The following CDK19 variants were observed in gnomAD, a reference collection of about 807,000 sequenced individuals.
CDK19 encodes cyclin dependent kinase 19.
CDK19 carries 20 observed loss-of-function variants against 68.3 expected under a neutral mutation model. The observed-to-expected ratio is 0.29, with a 90% CI of 0.21 to 0.43. The LOEUF (loss-of-function observed/expected upper bound fraction) is 0.43, where lower values mean the gene tolerates loss of function less well. Ranked by LOEUF, CDK19 falls within the 20% of genes least tolerant of loss-of-function variation. The probability of loss-of-function intolerance (pLI) is 1.00; values close to 1 mark genes in which losing one functional copy is unlikely to be tolerated. For synonymous variants in CDK19, 221 were observed against 222.8 expected (o/e 0.99, Z 0.07); for missense variants, 339 against 623.5 (o/e 0.54, Z 4.86).
At chr6:110,749,390 T>C (rs536033362) in intron 1 of CDK19, among the ~76,000 whole-genome samples, 4 of 143,388 alleles carry the variant, frequency 2.8e-5, no homozygotes, top group African/African-American at 8.2e-5. Context: ...CCTTTTTTTT[T>C]TGAGACAAAT....
intron 2 of CDK19, among the ~76,000 whole-genome samples, chr6:110,713,452 C>A (rs1775118750): frequency 7.5e-6 from 1 of 132,906 alleles, no homozygotes; most frequent in East Asian, 2.3e-4. Flanking sequence ...AAAAAAAAAT[C>A]CTGGGCTCAA....
intron 6 of CDK19, among the ~76,000 whole-genome samples, chr6:110,628,397 T>C (rs1779225480): frequency 6.6e-6 from 1 of 152,138 alleles, no homozygotes; most frequent in Admixed American, 6.6e-5. Context: ...AGTTCGAAAA[T>C]ATTAAATGGA....
At chr6:110,634,759 C>T (rs1779655378) in intron 5 of CDK19, among the ~76,000 whole-genome samples, 1 of 152,130 alleles carries the variant, frequency 6.6e-6, no homozygotes, top group Non-Finnish European at 1.5e-5. Context: ...TTAATAGATG[C>T]CAATTGTTGT....
chr6:110,669,135 T>C (rs1482320058), intron 3 of CDK19, among the ~76,000 whole-genome samples: 1 of 151,816 alleles, frequency 6.6e-6, no homozygotes, highest in Non-Finnish European at 1.5e-5. Flanking sequence ...TATAGAAAAA[T>C]GGAGAAAATA....
In CDK19 at chr6:110,737,013, C is replaced by A. The variant is rs150597312; in HGVS notation, c.204+9113G>T. Reference sequence around the variant, plus strand: ...ACTAAAATAACTCTACTGATGTACTCAGTAGGGAGGGATACTGACACAGCA... The same window carrying A: ...ACTAAAATAACTCTACTGATGTACTAAGTAGGGAGGGATACTGACACAGCA... On this transcript the variant is annotated intron_variant, in intron 2 of 12. Transcript: ENST00000368911. Among the ~76,000 whole-genome samples the A allele has an allele frequency of 2.1e-3, 317 of 152,248 alleles. 2 individuals carry two copies. The highest frequency in any genetic ancestry group is 7.1e-3 in the African/African-American group (294 of 41,544).
chr6:110,727,408 C>T (rs1008229429), intron 2 of CDK19, among the ~76,000 whole-genome samples: 2 of 152,136 alleles, frequency 1.3e-5, no homozygotes, highest in Non-Finnish European at 2.9e-5. Context: ...ACTTACTGTA[C>T]CTACTCTTTC....
At chr6:110,716,074 AATATT>A in intron 2 of CDK19, among the ~76,000 whole-genome samples, 1 of 152,286 alleles carries the variant, frequency 6.6e-6, no homozygotes, top group South Asian at 2.1e-4. Flanking sequence ...TCACATAACT[AATATT>A]ATAATTTCTC....
intron 2 of CDK19, among the ~76,000 whole-genome samples, chr6:110,691,466 T>C (rs1314903454): frequency 6.7e-6 from 1 of 149,674 alleles, no homozygotes; most frequent in Non-Finnish European, 1.5e-5. Flanking sequence ...AGTGCAAGAC[T>C]CCGTCTCAAA....
intron 1 of CDK19, among the ~76,000 whole-genome samples, chr6:110,793,988 G>A (rs191703214): frequency 2.6e-4 from 40 of 152,248 alleles, no homozygotes; most frequent in Admixed American, 7.2e-4. Flanking sequence ...GTTGCACAAA[G>A]CCAGAATGAC....
chr6:110,619,003 A>G (rs1778537520), intron 12 of CDK19, among the ~76,000 whole-genome samples: 1 of 152,174 alleles, frequency 6.6e-6, no homozygotes, highest in Non-Finnish European at 1.5e-5. Flanking sequence ...TTTTTCAGCG[A>G]ACTTTCAGAG....
rs146766744 is a variant in CDK19, at chr6:110,676,539, G to A, written c.205-5998C>T. 9.3e-3 allele frequency among the ~76,000 whole-genome samples: 1,423 copies of A among 152,236 alleles called. 13 individuals are homozygous for A. The highest frequency in any genetic ancestry group is 0.014 in the Non-Finnish European group (945 of 68,008). The stretch of plus-strand genomic sequence containing the variant: ...GAAGAGTTCATTGATGCAGCAAACT[G>A]TATTATTGTCTTACTTTAAGAAATT... On this transcript the variant is annotated intron_variant, in intron 2 of 12. Transcript: ENST00000368911.
At chr6:110,618,592 G>C (rs1778501239) in intron 12 of CDK19, among the ~76,000 whole-genome samples, 1 of 152,232 alleles carries the variant, frequency 6.6e-6, no homozygotes, top group East Asian at 1.9e-4. Flanking sequence ...GGTCCCACCA[G>C]CATCTGGGGA....
At chr6:110,632,265 G>T in intron 5 of CDK19, 104 bp from the exon 6 acceptor site, 1 of 846,628 alleles carries the variant, frequency 1.2e-6, no homozygotes, top group Non-Finnish European at 1.8e-6. Flanking sequence ...TTAGAACCAT[G>T]CAAGGTTGAC....
At chr6:110,694,634 T>C (rs1773319661) in intron 2 of CDK19, among the ~76,000 whole-genome samples, 1 of 152,210 alleles carries the variant, frequency 6.6e-6, no homozygotes, top group Admixed American at 6.5e-5. Context: ...ACTTTAACTA[T>C]ACCCTAGAAC....
At position 110,621,194 on chromosome 6, in the gene CDK19, G is replaced by A. The variant is rs1158529764; in HGVS notation, c.1287C>T (p.Ser429=). The A allele has an allele frequency of 6.2e-6, 10 of 1,613,928 alleles. No homozygotes were observed. The East Asian group carries it at 2.0e-4, about 32-fold the overall frequency. ...TGTTTGGAGGCACCTGGTTCAGGCT[G>A]GAGTCCTGGCTGTGCTGCAACCCTG... The part of the protein sequence containing the change: ...TGAGLQHSQD[S]SLNQVPPNKK... Residue 429 remains serine (S), a synonymous_variant, in exon 12 of 13, where the codon TCC becomes TCT. Transcript: ENST00000368911. This position sits in a 1 kb window ranked among gnomAD's most constrained non-coding sequence, Gnocchi z 5.4.
chr6:110,814,472 G>A, intron 1 of CDK19: 2 of 371,542 alleles, frequency 5.4e-6, no homozygotes, highest in South Asian at 4.0e-5. Context: ...GGCGGAGATC[G>A]CTGCTGGGGG....
In CDK19 at chr6:110,613,671, C is replaced by G. The variant is rs1339109486; in HGVS notation, c.*864G>C. On this transcript the variant is annotated 3_prime_UTR_variant, in exon 13 of 13. Coordinates refer to ENST00000368911, the MANE Select transcript of CDK19 (RefSeq NM_015076.5). ...ATCAAAATTACTCCTTACAGAAATC[C>G]TAGTGCAGTTGTTACTCTCTTCAGC... 6.6e-6 allele frequency: 1 copy of G among 152,554 alleles called. No individual in the cohort carries two copies. 9.5% of individuals were successfully genotyped at this position (152,554 alleles called of 1,614,324 possible).
chr6:110,626,931 A>T, intron 7 of CDK19, 71 bp downstream of exon 7: 1 of 1,444,476 alleles, frequency 6.9e-7, no homozygotes. Context: ...TATACATTAA[A>T]ATATGCTTTT....
chr6:110,643,180 G>GA (rs1481287381), intron 4 of CDK19: 1 of 1,287,310 alleles, frequency 7.8e-7, no homozygotes, highest in East Asian at 5.6e-5. Flanking sequence ...CCTTCTGGAG[G>GA]AAACACTTAC....
Sources: allele counts gnomAD v4.1 joint callset (sites outside exome capture counted in the v4.1 genomes callset), GRCh38; gene constraint gnomAD v4.1.1; non-coding constraint Gnocchi (gnomAD v3.1); transcripts MANE v1.5; gene names NCBI Gene and HGNC (gene_info 2026-07-23, HGNC 2026-07-21).